The following HPSE2 variants were observed in gnomAD, a reference collection of about 807,000 sequenced individuals.
HPSE2 encodes the protein inactive heparanase-2.
In HPSE2, 38 loss-of-function variants were observed where a neutral mutation model predicts 60.5. The observed-to-expected ratio is 0.63, with a 90% CI of 0.48 to 0.82. The LOEUF (loss-of-function observed/expected upper bound fraction) is 0.82, where lower values mean the gene tolerates loss of function less well. HPSE2 is among the 40% of genes least tolerant of loss of function. The pLI is 0.00. For missense variants in HPSE2, 713 were observed against 740.4 expected (o/e 0.96, Z 0.43); for synonymous variants, 295 against 293.2 (o/e 1.01, Z -0.06).
At chr10:99,260,335 G>A in the HPSE2 span, among the ~76,000 whole-genome samples, 1 of 151,936 alleles carries the variant, frequency 6.6e-6, no homozygotes, top group Non-Finnish European at 1.5e-5. Context: ...GTGACATTTG[G>A]TGCCAAAACC....
At chr10:99,078,026 C>A (rs1843006122) in intron 3 of HPSE2, among the ~76,000 whole-genome samples, 1 of 152,098 alleles carries the variant, frequency 6.6e-6, no homozygotes, top group Non-Finnish European at 1.5e-5. Context: ...CTCTCTCTGT[C>A]TTGCTCCCGT....
the HPSE2 span, among the ~76,000 whole-genome samples, chr10:99,300,018 G>C: frequency 3.4e-5 from 4 of 116,664 alleles, no homozygotes; most frequent in Non-Finnish European, 6.9e-5. Flanking sequence ...GGACAGGGCA[G>C]AGGGAGAGGC....
intron 9 of HPSE2, among the ~76,000 whole-genome samples, chr10:98,579,679 C>T (rs766665658): frequency 1.1e-4 from 16 of 152,268 alleles, no homozygotes; most frequent in Non-Finnish European, 1.8e-4. Context: ...CCAAGGCTAT[C>T]GGAAGATGTA....
At chr10:98,626,607 C>T (rs1021895810) in intron 7 of HPSE2, among the ~76,000 whole-genome samples, 6 of 152,048 alleles carry the variant, frequency 3.9e-5, no homozygotes, top group South Asian at 2.1e-4. Flanking sequence ...CAGGAGTATC[C>T]GGAGAAAACC....
chr10:98,755,822 C>A (rs887806190), intron 3 of HPSE2, among the ~76,000 whole-genome samples: 4 of 151,868 alleles, frequency 2.6e-5, no homozygotes, highest in African/African-American at 9.7e-5. Context: ...ATGGTGAAAC[C>A]CCATCTCTAT....
chr10:99,041,143 A>C (rs1030513874), intron 3 of HPSE2, among the ~76,000 whole-genome samples: 1 of 152,186 alleles, frequency 6.6e-6, no homozygotes, highest in South Asian at 2.1e-4. Flanking sequence ...GAAATGTCAC[A>C]ACCTTTTTTA....
At chr10:99,198,742 C>G (rs1166985735) in intron 2 of HPSE2, among the ~76,000 whole-genome samples, 1 of 152,106 alleles carries the variant, frequency 6.6e-6, no homozygotes, top group African/African-American at 2.4e-5. Context: ...TTACAAATAA[C>G]TGTTGTTAAC....
chr10:98,930,405 T>A lies in HPSE2; in HGVS notation c.611-186349A>T, dbSNP rs1200510159. Among the ~76,000 whole-genome samples, 2 of 144,656 alleles carry A rather than the reference T, an allele frequency of 1.4e-5. 1 individual carries two copies. Among genetic ancestry groups the A allele is most frequent in the Non-Finnish European group, 3.0e-5 (2 of 67,256 alleles). 94.9% of individuals were successfully genotyped at this position (144,656 alleles called of 152,430 possible). A position where few individuals can be genotyped will look rare whatever the true frequency, so the allele number is the denominator to read the frequency against. ...TATCATTGATGAGCATTTGGGTTGA[T>A]TCCATGTCTTTGCTATTGTGAATAG... On this transcript the variant is annotated intron_variant, in intron 3 of 11. Coordinates refer to ENST00000370552, the MANE Select transcript of HPSE2 (RefSeq NM_021828.5).
chr10:99,072,352 A>G (rs542520089), intron 3 of HPSE2, among the ~76,000 whole-genome samples: 2 of 44,422 alleles, frequency 4.5e-5, no homozygotes, highest in African/African-American at 7.6e-5. Flanking sequence ...CTATCATCAG[A>G]GCAAACAGGC....
intron 3 of HPSE2, among the ~76,000 whole-genome samples, chr10:98,960,712 T>TA (rs199661395): frequency 0.014 from 733 of 51,776 alleles, 8 homozygotes; most frequent in African/African-American, 0.06. Flanking sequence ...TTTTTTTTTT[T>TA]TTTTTTTTGT....
In HPSE2 at chr10:99,215,428, C is replaced by T. The variant is rs78622381; in HGVS notation, c.448+16920G>A. 6.8e-4 allele frequency among the ~76,000 whole-genome samples: 104 copies of T among 152,268 alleles called. 1 individual carries two copies. The East Asian group carries it at 0.011, about 17-fold the overall frequency. ...GCTGAACAACGAGAACACATGGACA[C>T]AGGGAGGGAAACATCACCACCAGGG... is the stretch of plus-strand genomic sequence containing the variant. On this transcript the variant is annotated intron_variant, in intron 2 of 11. Transcript: ENST00000370552.
the HPSE2 span, among the ~76,000 whole-genome samples, chr10:99,314,549 A>G: frequency 6.6e-6 from 1 of 152,200 alleles, no homozygotes. Context: ...TAGTGTAAAC[A>G]TAACTTTCAT....
chr10:99,195,616 GAAATA>G (rs937688701), intron 2 of HPSE2, among the ~76,000 whole-genome samples: 4 of 151,714 alleles, frequency 2.6e-5, no homozygotes, highest in African/African-American at 7.3e-5. Flanking sequence ...ACAGTAGCAA[GAAATA>G]AAATAAAACA....
intron 2 of HPSE2, among the ~76,000 whole-genome samples, chr10:99,162,945 C>T (rs1846903144): frequency 6.6e-6 from 1 of 152,162 alleles, no homozygotes; most frequent in African/African-American, 2.4e-5. Context: ...CGCGGTGGCT[C>T]ACACCTATAA....
chr10:99,040,758 A>G (rs1220814832), intron 3 of HPSE2, among the ~76,000 whole-genome samples: 1 of 152,228 alleles, frequency 6.6e-6, no homozygotes, highest in Non-Finnish European at 1.5e-5. Flanking sequence ...ATGTGATATG[A>G]AATAGAAAAT....
chr10:99,129,738 G>A (rs1006010018), intron 3 of HPSE2, among the ~76,000 whole-genome samples: 14 of 140,038 alleles, frequency 1.0e-4, no homozygotes, highest in Middle Eastern at 3.6e-3. Context: ...AGAGAAACAA[G>A]AACAAACCAA....
At chr10:98,606,128 C>T (rs913578618) in intron 9 of HPSE2, among the ~76,000 whole-genome samples, 1 of 152,184 alleles carries the variant, frequency 6.6e-6, no homozygotes, top group Non-Finnish European at 1.5e-5. Context: ...TTCCCCTTCA[C>T]CTCCATTTCA....
In HPSE2 at chr10:99,094,535, T is replaced by TATATATATAG. The variant is rs1564801189; in HGVS notation, c.610+49702_610+49703insCTATATATAT. Among the ~76,000 whole-genome samples the TATATATATAG allele has an allele frequency of 6.0e-4, 14 of 23,340 alleles. 1 individual carries two copies. Among genetic ancestry groups the TATATATATAG allele is most frequent in the Non-Finnish European group, 1.6e-3 (14 of 9,022 alleles). The allele number at this position is 23,340 out of a possible 152,430, so 15.3% of individuals were successfully genotyped here. On this transcript the variant is annotated intron_variant, in intron 3 of 11. Coordinates refer to ENST00000370552, the MANE Select transcript of HPSE2 (RefSeq NM_021828.5). ...TCATTCATATATATATATATATATATATATATTTTTTTTTTTTTTTTTTTT... is the reference window on the plus strand; with the variant it reads ...TCATTCATATATATATATATATATATATATATATAGATATATTTTTTTTTTTTTTTTTTTT...
At chr10:98,926,662 A>G (rs1374653985) in intron 3 of HPSE2, among the ~76,000 whole-genome samples, 1 of 152,176 alleles carries the variant, frequency 6.6e-6, no homozygotes, top group South Asian at 2.1e-4. Flanking sequence ...AGGCACCAAT[A>G]AATAAGCATG....
Sources: gnomAD v4.1 joint callset for allele counts (sites outside exome capture counted in the v4.1 genomes callset) on GRCh38, gnomAD v4.1.1 for gene constraint, MANE v1.5 for transcripts, NCBI Gene and HGNC (gene_info 2026-07-23, HGNC 2026-07-21) for gene names.